Variants in INSIG1 observed in about 807,000 individuals in gnomAD.
INSIG1 encodes the protein insulin-induced gene 1 protein.
Under a neutral mutation model 26.5 loss-of-function variants are expected in INSIG1, and 14 were observed. The ratio of observed to expected loss-of-function variants is 0.53; its 90% CI spans 0.35 to 0.83. The LOEUF is 0.83. Ranked by LOEUF, INSIG1 falls within the 40% of genes least tolerant of loss-of-function variation. The pLI is 0.01. For missense variants in INSIG1, 272 were observed against 368.9 expected (o/e 0.74, Z 2.15); for synonymous variants, 147 against 153.3 (o/e 0.96, Z 0.30).
At position 155,302,283 on chromosome 7, in the gene INSIG1, C is replaced by A; in HGVS notation, c.570C>A (p.Ser190=). The A allele has an allele frequency of 6.3e-7, 1 of 1,594,782 alleles. No individual in the cohort carries two copies. Among genetic ancestry groups the A allele is most frequent in the Non-Finnish European group, 8.5e-7 (1 of 1,172,518 alleles). Residue 190 remains serine (S), a synonymous_variant, in exon 4 of 6, where the codon TCC becomes TCA. Coordinates refer to ENST00000340368, the MANE Select transcript of INSIG1 (RefSeq NM_005542.6). This position sits in a 1 kb window ranked among gnomAD's most constrained non-coding sequence, Gnocchi z 4.3. ...ATTTTGCCAATAATGTCCAGCTGTC[C>A]TTGACTTTAGCAGCCCTATCTTTGG... ...KLDFANNVQL[S]LTLAALSLGL...
intron 5 of INSIG1, among the ~76,000 whole-genome samples, chr7:155,306,357 T>C (rs1014479269): frequency 4.6e-5 from 7 of 152,256 alleles, no homozygotes; most frequent in Non-Finnish European, 1.0e-4. Flanking sequence ...AACTTGTAGT[T>C]GTTGCTGTTT....
intron 5 of INSIG1, among the ~76,000 whole-genome samples, chr7:155,307,862 A>G (rs895164943): frequency 6.6e-6 from 1 of 152,188 alleles, no homozygotes; most frequent in African/African-American, 2.4e-5. Flanking sequence ...CCTAAGCATC[A>G]CCATGCTTTG....
intron 5 of INSIG1, chr7:155,303,948 A>C: frequency 1.0e-5 from 9 of 897,502 alleles, no homozygotes; most frequent in Non-Finnish European, 1.4e-5. Flanking sequence ...CAAATTTCTC[A>C]TGATGGAGAA....
chr7:155,309,143 A>G lies in INSIG1; in HGVS notation c.*873A>G, dbSNP rs1798018459. 1 of 152,516 alleles carries G rather than the reference A, an allele frequency of 6.6e-6. No homozygotes were observed. The highest frequency in any genetic ancestry group is 1.5e-5 in the Non-Finnish European group (1 of 68,036). The allele number at this position is 152,516 out of a possible 1,614,324, so 9.4% of individuals were successfully genotyped here. A position where few individuals can be genotyped will look rare whatever the true frequency, so the allele number is the denominator to read the frequency against. Reference sequence around the variant, plus strand: ...TTTGCCACAGCCCTATGGAATTTGCAATCTGTGATTGCCTTGTAAAAAGGA... The same window carrying G: ...TTTGCCACAGCCCTATGGAATTTGCGATCTGTGATTGCCTTGTAAAAAGGA... On this transcript the variant is annotated 3_prime_UTR_variant, in exon 6 of 6. Coordinates refer to ENST00000340368, the MANE Select transcript of INSIG1 (RefSeq NM_005542.6).
intron 3 of INSIG1, 91 bp downstream of exon 3, chr7:155,301,781 G>A (rs887443256): frequency 1.6e-6 from 2 of 1,232,662 alleles, no homozygotes; most frequent in Admixed American, 5.4e-5. Context: ...ATGACTCCAT[G>A]TCATAATACA....
At chr7:155,303,776 A>G (rs148094376) in intron 5 of INSIG1, 36 of 1,099,132 alleles carry the variant, frequency 3.3e-5, no homozygotes, top group African/African-American at 1.9e-4. Context: ...GGGAAAACTT[A>G]TCTTAGTACC....
intron 2 of INSIG1, 90 bp downstream of exon 2, chr7:155,298,787 A>T: frequency 8.4e-7 from 1 of 1,191,888 alleles, no homozygotes; most frequent in Non-Finnish European, 1.2e-6. Context: ...TGCATTTGAA[A>T]CTGGAACTAT....
At chr7:155,298,204 G>A (rs1233994636) in intron 1 of INSIG1, 55 bp from the exon 2 acceptor site, 2 of 1,324,276 alleles carry the variant, frequency 1.5e-6, no homozygotes, top group Non-Finnish European at 2.0e-6. Flanking sequence ...CGTCCCGCGG[G>A]GCCTTCCTCG....
At position 155,297,918 on chromosome 7, in the gene INSIG1, G is replaced by T. The variant is rs1037979516; in HGVS notation, c.-69G>T. The T allele has an allele frequency of 1.2e-5, 2 of 169,512 alleles. No individual in the cohort carries two copies. The highest frequency in any genetic ancestry group is 3.1e-4 in the East Asian group (2 of 6,498). The allele number at this position is 169,512 out of a possible 1,614,324, so 10.5% of individuals were successfully genotyped here. ...CGTGACTCCTCCTTTCCCCCGCCCCGCCTCCGTTCGGAGAGCCGGCGGGCG... is the reference window on the plus strand; with the variant it reads ...CGTGACTCCTCCTTTCCCCCGCCCCTCCTCCGTTCGGAGAGCCGGCGGGCG... On this transcript the variant is annotated 5_prime_UTR_variant, in exon 1 of 6. Transcript: ENST00000340368.
chr7:155,301,940 AAT>A (rs200771702), intron 3 of INSIG1, among the ~76,000 whole-genome samples: 4 of 144,350 alleles, frequency 2.8e-5, no homozygotes, highest in Admixed American at 7.0e-5. Flanking sequence ...TATATTTTTA[AAT>A]ATATATAATA....
chr7:155,303,938 CA>C, intron 5 of INSIG1: 2 of 974,930 alleles, frequency 2.1e-6, no homozygotes, highest in Non-Finnish European at 1.5e-6. Context: ...TCTCTGCTGC[CA>C]AATTTCTCAT....
chr7:155,298,552 C>A lies in INSIG1; in HGVS notation c.267C>A (p.Leu89=). The A allele has an allele frequency of 6.2e-7, 1 of 1,608,302 alleles. No individual in the cohort carries two copies. ...ATCATCGCCTGTTGCAGAGGAGCCT[C>A]GTGCTCTTCTCGGTTGGGGTGGTCC... ...TWHHRLLQRS[L]VLFSVGVVLA... The change falls in exon 2 of 6, where the codon CTC becomes CTA. Residue 89 remains leucine (L), a synonymous_variant. Coordinates refer to ENST00000340368, the MANE Select transcript of INSIG1 (RefSeq NM_005542.6).
At chr7:155,305,899 A>G (rs1039792262) in intron 5 of INSIG1, among the ~76,000 whole-genome samples, 3 of 152,144 alleles carry the variant, frequency 2.0e-5, no homozygotes, top group Non-Finnish European at 2.9e-5. Flanking sequence ...TCTATGTGGT[A>G]TTTCCCCCCA....
At chr7:155,298,024 G>A in intron 1 of INSIG1, 65 bp downstream of exon 1, 2 of 348,568 alleles carry the variant, frequency 5.7e-6, no homozygotes, top group Admixed American at 9.6e-5. Flanking sequence ...GGTCCTCCCC[G>A]GAGGTAGGCG....
intron 5 of INSIG1, among the ~76,000 whole-genome samples, chr7:155,306,295 C>G (rs531756897): frequency 6.6e-6 from 1 of 152,228 alleles, no homozygotes. Context: ...CCACCGCGCC[C>G]GGCCCAGCCT....
At position 155,298,705 on chromosome 7, in the gene INSIG1, C is replaced by T. The variant is rs1304200838; in HGVS notation, c.412+8C>T. The T allele has an allele frequency of 7.5e-6, 12 of 1,606,190 alleles. No individual in the cohort carries two copies. Among genetic ancestry groups the T allele is most frequent in the Non-Finnish European group, 1.0e-5 (12 of 1,178,308 alleles). Reference sequence around the variant, plus strand: ...GCTGCGGGACAGCAGCTGGTGAGTACCCCTCCTGGTTCTTCTGGAAGTAAA... The same window carrying T: ...GCTGCGGGACAGCAGCTGGTGAGTATCCCTCCTGGTTCTTCTGGAAGTAAA... On this transcript the variant is annotated splice_region_variant and intron_variant, in intron 2 of 5. Coordinates refer to ENST00000340368, the MANE Select transcript of INSIG1 (RefSeq NM_005542.6).
In INSIG1 at chr7:155,301,583, T is replaced by C; in HGVS notation, c.430T>C (p.Tyr144His). ...GTAAAVVGLL[Y>H]PCIDSHLGEP... ...TAAAACAGCTGTTGTTGGCCTACTGTACCCCTGTATCGACAGTCACCTCGG... is the reference window on the plus strand; with the variant it reads ...TAAAACAGCTGTTGTTGGCCTACTGCACCCCTGTATCGACAGTCACCTCGG... Residue 144 changes from tyrosine (Y) to histidine (H), a missense_variant, in exon 3 of 6, where the codon TAC becomes CAC. Physicochemically the swap from Tyr to His is moderately conservative, Grantham distance 83. Around this residue, in one of 2 missense-constraint regions of INSIG1, gnomAD observed 111 missense variants for 189.8 expected, o/e 0.58. Transcript: ENST00000340368. 1.2e-6 allele frequency: 2 copies of C among 1,609,152 alleles called. No homozygotes were observed. Among genetic ancestry groups the C allele is most frequent in the Non-Finnish European group, 1.7e-6 (2 of 1,176,468 alleles).
chr7:155,306,884 C>T (rs772160225), intron 5 of INSIG1, among the ~76,000 whole-genome samples: 1 of 152,168 alleles, frequency 6.6e-6, no homozygotes, highest in Non-Finnish European at 1.5e-5. Context: ...TACAATGTGC[C>T]ACCATTAGGC....
In INSIG1 at chr7:155,298,563, C is replaced by T. The variant is rs1563028968; in HGVS notation, c.278C>T (p.Ser93Leu). 4 of 1,610,476 alleles carry T rather than the reference C, an allele frequency of 2.5e-6. No individual in the cohort carries two copies. The highest frequency in any genetic ancestry group is 3.4e-6 in the Non-Finnish European group (4 of 1,178,538). Residue 93 changes from serine (S) to leucine (L), a missense_variant, in exon 2 of 6, where the codon TCG becomes TTG. Physicochemically the swap from Ser to Leu is moderately radical, Grantham distance 145 (BLOSUM62 -2). This residue lies in a region of INSIG1 where 161 missense variants were observed against 179.2 expected (regional missense o/e 0.90). Coordinates refer to ENST00000340368, the MANE Select transcript of INSIG1 (RefSeq NM_005542.6). Reference protein sequence around the residue: ...RLLQRSLVLFSVGVVLALVLN... With the variant: ...RLLQRSLVLFLVGVVLALVLN... Reference sequence around the variant, plus strand: ...TTGCAGAGGAGCCTCGTGCTCTTCTCGGTTGGGGTGGTCCTAGCCCTGGTG... The same window carrying T: ...TTGCAGAGGAGCCTCGTGCTCTTCTTGGTTGGGGTGGTCCTAGCCCTGGTG...
Sources: gnomAD v4.1 joint callset for allele counts (sites outside exome capture counted in the v4.1 genomes callset) on GRCh38, gnomAD v4.1.1 for gene constraint, gnomAD v4.1.1 regional missense constraint, Gnocchi (gnomAD v3.1) non-coding constraint, MANE v1.5 for transcripts, NCBI Gene and HGNC (gene_info 2026-07-23, HGNC 2026-07-21) for gene names.